KLHL30: variants seen among roughly 807,000 people sequenced by gnomAD.
KLHL30 encodes the protein kelch like family member 30.
In KLHL30, 55 loss-of-function variants were observed where a neutral mutation model predicts 55.0. The ratio of observed to expected loss-of-function variants is 1.00; its 90% confidence interval spans 0.80 to 1.25. KLHL30 has a LOEUF of 1.25. KLHL30 is among the 50% of genes most tolerant of loss of function. The pLI is 0.00. For synonymous variants in KLHL30, 356 were observed against 372.6 expected (o/e 0.96, Z 0.51); for missense variants, 786 against 811.6 (o/e 0.97, Z 0.38).
In KLHL30 at chr2:238,147,661, G is replaced by A. The variant is rs368462895; in HGVS notation, c.1151-173G>A. On this transcript the variant is annotated intron_variant, in intron 5 of 7. Coordinates refer to ENST00000409223, the MANE Select transcript of KLHL30 (RefSeq NM_198582.4). The surrounding 1 kb of genome is among the most constrained non-coding windows in gnomAD (Gnocchi z 5.8). ...ACCCCCACCCCCACCACTTCCTGGCGGGGCGGCCTTGGGAGGTGCCAGCAC... is the reference window on the plus strand; with the variant it reads ...ACCCCCACCCCCACCACTTCCTGGCAGGGCGGCCTTGGGAGGTGCCAGCAC... Among the ~76,000 whole-genome samples the A allele has an allele frequency of 6.6e-6, 1 of 152,112 alleles. No homozygotes were observed.
At chr2:238,140,611 T>G in intron 1 of KLHL30, 74 bp from the exon 2 acceptor site, 1 of 771,882 alleles carries the variant, frequency 1.3e-6, no homozygotes, top group Non-Finnish European at 2.0e-6. Flanking sequence ...AAAGGGCTGA[T>G]GGACAGACCG....
At position 238,152,131 on chromosome 2, in the gene KLHL30, G is replaced by A. The variant is rs1452865517; in HGVS notation, c.*1066G>A. 1.2e-5 allele frequency: 12 copies of A among 985,374 alleles called. No individual in the cohort carries two copies. Among genetic ancestry groups the A allele is most frequent in the South Asian group, 4.7e-5 (1 of 21,292 alleles). 61.0% of individuals were successfully genotyped at this position (985,374 alleles called of 1,614,324 possible). ...GGGCTAGAAGTCAGGAGTCGGGCCC[G>A]GCCAGGCACAGGCCCTGGTGTTGCC... On this transcript the variant is annotated 3_prime_UTR_variant, in exon 8 of 8. Coordinates refer to ENST00000409223, the MANE Select transcript of KLHL30 (RefSeq NM_198582.4).
At chr2:238,139,714 G>C (rs980644097) in intron 1 of KLHL30, among the ~76,000 whole-genome samples, 1 of 152,184 alleles carries the variant, frequency 6.6e-6, no homozygotes, top group Non-Finnish European at 1.5e-5. Flanking sequence ...CTGTGGACGC[G>C]CGGCCGCCTC....
intron 3 of KLHL30, 85 bp from the exon 4 acceptor site, chr2:238,144,816 TG>T: frequency 1.0e-6 from 1 of 999,656 alleles, no homozygotes; most frequent in Non-Finnish European, 1.6e-6. Flanking sequence ...ACCCGGTGCA[TG>T]GAAAGGCACC....
Position 238,141,224 on chromosome 2 carries a change from T to C in KLHL30, c.470T>C (p.Phe157Ser). The change falls in exon 2 of 8, where the codon TTC becomes TCC. Residue 157 changes from phenylalanine (F) to serine (S), a missense_variant. By Grantham distance (155) the Phe-to-Ser change is radical (BLOSUM62 -2). Transcript: ENST00000409223. Reference sequence around the variant, plus strand: ...GGCGTGGCTGCCAAGGCCTGGGCCTTCCTGCGAGAGAACTTTGAGGCTGTG... The same window carrying C: ...GGCGTGGCTGCCAAGGCCTGGGCCTCCCTGCGAGAGAACTTTGAGGCTGTG... ...LLGVAAKAWA[F>S]LRENFEAVAR... 6.2e-7 allele frequency: 1 copy of C among 1,609,860 alleles called. No individual in the cohort carries two copies. The highest frequency in any genetic ancestry group is 8.5e-7 in the Non-Finnish European group (1 of 1,179,674).
intron 4 of KLHL30, 52 bp from the exon 5 acceptor site, chr2:238,145,625 G>A: frequency 2.6e-6 from 4 of 1,548,372 alleles, no homozygotes; most frequent in Non-Finnish European, 3.5e-6. Flanking sequence ...ACACCCCATG[G>A]CCTGGTGCCC....
chr2:238,147,872 C>T lies in KLHL30; in HGVS notation c.1189C>T (p.Pro397Ser), dbSNP rs752627085. The part of the protein sequence containing the change: ...LDVVEVESYD[P>S]YTDSWTPVSP... ...CGTGGTGGAGGTGGAGAGCTATGAC[C>T]CCTACACGGACAGCTGGACGCCCGT... The change falls in exon 6 of 8, where the codon CCC becomes TCC. Residue 397 changes from proline (P) to serine (S), a missense_variant. Physicochemically the swap from Pro to Ser is moderately conservative, Grantham distance 74 (BLOSUM62 -1). Transcript: ENST00000409223. This position sits in a 1 kb window ranked among gnomAD's most constrained non-coding sequence, Gnocchi z 5.8. The T allele has an allele frequency of 2.5e-6, 4 of 1,591,644 alleles. No individual in the cohort carries two copies. The highest frequency in any genetic ancestry group is 8.6e-7 in the Non-Finnish European group (1 of 1,168,068).
intron 5 of KLHL30, among the ~76,000 whole-genome samples, chr2:238,146,083 C>T (rs10192297): frequency 0.72 from 109,974 of 151,886 alleles, 39,830 homozygotes; most frequent in South Asian, 0.83. Context: ...GCTGGGACAG[C>T]GACAGCAAGA....
Position 238,147,598 on chromosome 2 carries a change from C to T in KLHL30, c.1151-236C>T, listed in dbSNP as rs1039064294. On this transcript the variant is annotated intron_variant, in intron 5 of 7. Transcript: ENST00000409223. This position sits in a 1 kb window ranked among gnomAD's most constrained non-coding sequence, Gnocchi z 5.8. ...CCGTTCCCAAACATCAGCCCCAGCTCGAGCTCAGGAGTGGGGCATTTCTAG... is the reference window on the plus strand; with the variant it reads ...CCGTTCCCAAACATCAGCCCCAGCTTGAGCTCAGGAGTGGGGCATTTCTAG... Among the ~76,000 whole-genome samples, 9 of 152,170 alleles carry T rather than the reference C, an allele frequency of 5.9e-5. No homozygotes were observed. The highest frequency in any genetic ancestry group is 5.2e-4 in the Admixed American group (8 of 15,290).
rs755883299 is a variant in KLHL30 at position 238,151,900 on chromosome 2, A to C, written c.*835A>C. 5.3e-5 allele frequency: 52 copies of C among 985,374 alleles called. No individual in the cohort carries two copies. Among genetic ancestry groups the C allele is most frequent in the Non-Finnish European group, 6.1e-5 (51 of 829,966 alleles). 61.0% of individuals were successfully genotyped at this position (985,374 alleles called of 1,614,324 possible). ...CCACCAGGGGACGACTCTTGGGTGC[A>C]TTGGTGGCAGCCTCCTGAGGGTGAG... On this transcript the variant is annotated 3_prime_UTR_variant, in exon 8 of 8. Transcript: ENST00000409223.
intron 2 of KLHL30, 92 bp from the exon 3 acceptor site, chr2:238,142,707 C>A: frequency 8.4e-7 from 1 of 1,192,542 alleles, no homozygotes; most frequent in Non-Finnish European, 1.1e-6. Flanking sequence ...AGCACACATG[C>A]ACTCACATGC....
Position 238,151,025 on chromosome 2 carries a change from C to G in KLHL30, c.1697C>G (p.Ser566Cys). ...GCCTCCACCGTCTTCCTGGATGTCTCCAAGTGGACCCAGCCCTCCGGCCCC... is the reference window on the plus strand; with the variant it reads ...GCCTCCACCGTCTTCCTGGATGTCTGCAAGTGGACCCAGCCCTCCGGCCCC... ...HGASTVFLDV[S>C]KWTQPSGPTQ... Residue 566 changes from serine (S) to cysteine (C), a missense_variant, in exon 8 of 8, where the codon TCC becomes TGC. By Grantham distance (112) the Ser-to-Cys change is moderately radical (BLOSUM62 -1). Coordinates refer to ENST00000409223, the MANE Select transcript of KLHL30 (RefSeq NM_198582.4). The G allele has an allele frequency of 6.3e-7, 1 of 1,592,666 alleles. No homozygotes were observed.
At chr2:238,145,261 G>A (rs1453187860) in intron 4 of KLHL30, among the ~76,000 whole-genome samples, 1 of 152,232 alleles carries the variant, frequency 6.6e-6, no homozygotes, top group Non-Finnish European at 1.5e-5. Context: ...TGGCGTGGCT[G>A]CTGCAGGCCT....
chr2:238,141,995 G>A (rs143029091), intron 2 of KLHL30, among the ~76,000 whole-genome samples: 9 of 152,362 alleles, frequency 5.9e-5, no homozygotes, highest in East Asian at 1.9e-4. Flanking sequence ...TGCAGCTTGT[G>A]CACAGGCAAG....
Position 238,141,386 on chromosome 2 carries a change from G to T in KLHL30, c.632G>T (p.Arg211Leu). The T allele has an allele frequency of 1.3e-6, 2 of 1,593,552 alleles. No individual in the cohort carries two copies. Among genetic ancestry groups the T allele is most frequent in the South Asian group, 1.1e-5 (1 of 89,634 alleles). Residue 211 changes from arginine (R) to leucine (L), a missense_variant, in exon 2 of 8, where the codon CGG becomes CTG. Arg to Leu is a moderately radical substitution (Grantham distance 102, BLOSUM62 -2). Coordinates refer to ENST00000409223, the MANE Select transcript of KLHL30 (RefSeq NM_198582.4). Reference protein sequence around the residue: ...MRWVRHDPQARAAHLPELLSL... With the variant: ...MRWVRHDPQALAAHLPELLSL... ...TGGGTGCGCCATGACCCGCAGGCCC[G>T]GGCCGCCCACCTGCCCGAGCTGCTC...
At chr2:238,141,680 C>T (rs1692544297) in intron 2 of KLHL30, among the ~76,000 whole-genome samples, 152 bp downstream of exon 2, 1 of 152,262 alleles carries the variant, frequency 6.6e-6, no homozygotes, top group African/African-American at 2.4e-5. Context: ...CCCATGAGGA[C>T]ATCACTATTC....
At position 238,152,078 on chromosome 2, in the gene KLHL30, C is replaced by T; in HGVS notation, c.*1013C>T. 1.0e-6 allele frequency: 1 copy of T among 985,550 alleles called. No individual in the cohort carries two copies. The highest frequency in any genetic ancestry group is 1.2e-6 in the Non-Finnish European group (1 of 830,012). The allele number at this position is 985,550 out of a possible 1,614,324, so 61.1% of individuals were successfully genotyped here. The stretch of plus-strand genomic sequence containing the variant: ...CCTGGGTGCCCAATGGCGTGTCCCT[C>T]CTGTCACAGGCTCCGCCCTGGGACA... On this transcript the variant is annotated 3_prime_UTR_variant, in exon 8 of 8. Coordinates refer to ENST00000409223, the MANE Select transcript of KLHL30 (RefSeq NM_198582.4).
Position 238,152,320 on chromosome 2 carries a change from G to C in KLHL30, c.*1255G>C. 5 of 471,268 alleles carry C rather than the reference G, an allele frequency of 1.1e-5. No individual in the cohort carries two copies. Among genetic ancestry groups the C allele is most frequent in the Non-Finnish European group, 1.4e-5 (5 of 361,296 alleles). 29.2% of individuals were successfully genotyped at this position (471,268 alleles called of 1,614,324 possible). A position where few individuals can be genotyped will look rare whatever the true frequency, so the allele number is the denominator to read the frequency against. On this transcript the variant is annotated 3_prime_UTR_variant, in exon 8 of 8. Transcript: ENST00000409223. ...CCCCTGAGCCTCTTGAGCTTCTGTA[G>C]GTAGGGATCTGCTTTGCTCCCAGAC...
intron 6 of KLHL30, 119 bp downstream of exon 6, chr2:238,148,141 A>G: frequency 9.7e-7 from 1 of 1,035,206 alleles, no homozygotes; most frequent in Non-Finnish European, 1.3e-6. Flanking sequence ...CGGGGTGGAG[A>G]GAGCCGGCGG....
Sources: gnomAD v4.1 joint callset for allele counts (sites outside exome capture counted in the v4.1 genomes callset) on GRCh38, gnomAD v4.1.1 for gene constraint, Gnocchi (gnomAD v3.1) non-coding constraint, MANE v1.5 for transcripts, NCBI Gene and HGNC (gene_info 2026-07-23, HGNC 2026-07-21) for gene names.